Variants in GRIP1 observed in about 807,000 individuals in gnomAD.
GRIP1 encodes glutamate receptor interacting protein 1, also known as glutamate receptor-interacting protein 1.
In GRIP1, 45 loss-of-function variants were observed where a neutral mutation model predicts 129.9. The observed-to-expected ratio is 0.35, with a 90% CI of 0.27 to 0.44. GRIP1 has a LOEUF of 0.44. Among genes scored for constraint, GRIP1 ranks in the 20% least tolerant of loss-of-function variants. GRIP1 has a pLI of 1.00. For synonymous variants in GRIP1, 530 were observed against 520.8 expected (o/e 1.02, Z -0.24); for missense variants, 1,196 against 1,396.8 (o/e 0.86, Z 2.29).
intron 2 of GRIP1, among the ~76,000 whole-genome samples, chr12:66,595,218 A>G (rs181364092): frequency 2.0e-5 from 3 of 152,342 alleles, no homozygotes; most frequent in African/African-American, 7.2e-5. Context: ...AATCTAACAT[A>G]AAGAGAAGGA....
At chr12:66,982,117 A>T (rs868782133) in intron 1 of GRIP1, among the ~76,000 whole-genome samples, 54 of 152,194 alleles carry the variant, frequency 3.5e-4, no homozygotes, top group African/African-American at 1.2e-3. Flanking sequence ...GAGAAAACAG[A>T]AGGTCAAAGA....
rs114084602 is a variant in GRIP1 at position 66,936,467 on chromosome 12, A to C, written c.58+132583T>G. On this transcript the variant is annotated intron_variant, in intron 1 of 1. Transcript: ENST00000643019. ...AAAAAAGGTGGAGAGAATACATGAA[A>C]GTTCTGTGTTCTAGACTCTTCCAGA... is the stretch of plus-strand genomic sequence containing the variant. Among the ~76,000 whole-genome samples, 734 of 150,558 alleles carry C rather than the reference A, an allele frequency of 4.9e-3. 6 individuals carry two copies. Among genetic ancestry groups the C allele is most frequent in the African/African-American group, 0.017 (710 of 41,006 alleles).
intron 20 of GRIP1, among the ~76,000 whole-genome samples, chr12:66,377,635 G>A (rs1316663629): frequency 1.5e-5 from 2 of 129,432 alleles, no homozygotes; most frequent in African/African-American, 3.2e-5. Flanking sequence ...CACCGCACCC[G>A]GCCTTTTTTT....
intron 5 of GRIP1, among the ~76,000 whole-genome samples, chr12:66,522,183 G>A (rs985297333): frequency 3.9e-5 from 6 of 152,356 alleles, no homozygotes; most frequent in Admixed American, 3.3e-4. Context: ...CTGTAGATCT[G>A]AGAACAGGCA....
intron 1 of GRIP1, among the ~76,000 whole-genome samples, chr12:66,907,584 G>T (rs1276013771): frequency 6.6e-6 from 1 of 152,106 alleles, no homozygotes; most frequent in East Asian, 1.9e-4. Context: ...TCAGGTAAAA[G>T]GAGGAGCAAG....
upstream of GRIP1, among the ~76,000 whole-genome samples, chr12:66,806,358 A>C (rs779484822): frequency 1.6e-4 from 24 of 152,162 alleles, no homozygotes; most frequent in Non-Finnish European, 4.4e-5. Context: ...TTTCTCTTGA[A>C]ATGGAATTTG....
intron 1 of GRIP1, among the ~76,000 whole-genome samples, chr12:66,880,737 T>C (rs559127999): frequency 1.2e-4 from 19 of 152,148 alleles, no homozygotes; most frequent in Non-Finnish European, 2.6e-4. Context: ...TAAGCATTCA[T>C]ATTAACCAAA....
intron 4 of GRIP1, 76 bp downstream of exon 4, chr12:66,539,002 A>G (rs2061689231): frequency 3.3e-6 from 4 of 1,207,788 alleles, no homozygotes; most frequent in Non-Finnish European, 4.9e-6. Context: ...AGGGTTTGGT[A>G]TTATGAGCAG....
intron 7 of GRIP1, among the ~76,000 whole-genome samples, chr12:66,469,491 T>C (rs1053035389): frequency 6.6e-6 from 1 of 152,176 alleles, no homozygotes; most frequent in South Asian, 2.1e-4. Flanking sequence ...ACAATAACAA[T>C]ATCCTTTAAA....
intron 7 of GRIP1, among the ~76,000 whole-genome samples, chr12:66,503,461 G>A (rs544146596): frequency 1.3e-5 from 2 of 152,254 alleles, no homozygotes; most frequent in South Asian, 4.1e-4. Context: ...CAGGGTCAAG[G>A]TTAAATGCCT....
At chr12:66,523,784 A>T (rs1246911629) in intron 5 of GRIP1, among the ~76,000 whole-genome samples, 1 of 152,196 alleles carries the variant, frequency 6.6e-6, no homozygotes, top group Non-Finnish European at 1.5e-5. Context: ...CAGGAAACCC[A>T]TCTCACATGC....
chr12:66,671,621 C>A (rs898232084), intron 1 of GRIP1, among the ~76,000 whole-genome samples: 1 of 152,112 alleles, frequency 6.6e-6, no homozygotes, highest in African/African-American at 2.4e-5. Context: ...GACATCAATA[C>A]CCTGTGAAAA....
intron 11 of GRIP1, among the ~76,000 whole-genome samples, chr12:66,447,199 C>T (rs1018650592): frequency 6.6e-6 from 1 of 150,886 alleles, no homozygotes; most frequent in Non-Finnish European, 1.5e-5. Flanking sequence ...CCACACTCTG[C>T]CTGGACCCCT....
At chr12:66,464,933 A>ACTTTCTTT (rs1555189213) in intron 8 of GRIP1, among the ~76,000 whole-genome samples, 1 of 128,028 alleles carries the variant, frequency 7.8e-6, no homozygotes, top group Non-Finnish European at 1.6e-5. Flanking sequence ...GTAAAGGGGC[A>ACTTTCTTT]CTTTCTTTCT....
At chr12:66,571,909 T>C (rs1463276055) in intron 2 of GRIP1, among the ~76,000 whole-genome samples, 2 of 152,206 alleles carry the variant, frequency 1.3e-5, no homozygotes. Context: ...TGTTTGCATA[T>C]GAGGCACACA....
chr12:66,655,595 G>GT (rs1256281200), intron 1 of GRIP1, among the ~76,000 whole-genome samples: 7 of 138,508 alleles, frequency 5.1e-5, no homozygotes, highest in African/African-American at 1.9e-4. Flanking sequence ...TTTTTTTGCA[G>GT]TTTTTTTGTA....
intron 1 of GRIP1, among the ~76,000 whole-genome samples, chr12:66,675,834 T>C (rs925237372): frequency 1.5e-4 from 23 of 152,226 alleles, no homozygotes; most frequent in African/African-American, 4.8e-4. Context: ...GTTCCTCTCA[T>C]AATGGCAGGC....
intron 23 of GRIP1, among the ~76,000 whole-genome samples, chr12:66,355,097 G>C (rs946439749): frequency 2.0e-5 from 3 of 152,126 alleles, no homozygotes; most frequent in Non-Finnish European, 4.4e-5. Flanking sequence ...TCCTGGACAG[G>C]AGCCACCCTC....
chr12:66,605,772 T>G (rs2064496293), intron 1 of GRIP1, among the ~76,000 whole-genome samples: 1 of 152,130 alleles, frequency 6.6e-6, no homozygotes, highest in African/African-American at 2.4e-5. Context: ...GCAGGCAAAT[T>G]ATATAAATAA....
Sources: gnomAD v4.1 joint callset for allele counts (sites outside exome capture counted in the v4.1 genomes callset) on GRCh38, gnomAD v4.1.1 for gene constraint, MANE v1.5 for transcripts, NCBI Gene and HGNC (gene_info 2026-07-23, HGNC 2026-07-21) for gene names.